The following HUNK variants were observed in gnomAD, a reference collection of about 807,000 sequenced individuals.
HUNK encodes hormonally up-regulated neu tumor-associated kinase.
Under a neutral mutation model 61.0 loss-of-function variants are expected in HUNK, and 21 were observed. The observed-to-expected ratio is 0.34, with a 90% CI of 0.24 to 0.50. The LOEUF is 0.50. Among genes scored for constraint, HUNK ranks in the 20% least tolerant of loss-of-function variants. The pLI is 0.98. For synonymous variants in HUNK, 371 were observed against 386.1 expected, an observed-to-expected ratio of 0.96 and a Z score of 0.46; for missense variants, 772 against 945.7, an observed-to-expected ratio of 0.82 and a Z score of 2.41.
At chr21:31,980,226 C>G (rs1489643005) in intron 7 of HUNK, among the ~76,000 whole-genome samples, 1 of 152,048 alleles carries the variant, frequency 6.6e-6, no homozygotes, top group Non-Finnish European at 1.5e-5. Flanking sequence ...TGTGCACCAC[C>G]ATGCCCAGCA....
chr21:31,940,715 G>C (rs1434719575), intron 3 of HUNK, among the ~76,000 whole-genome samples: 1 of 152,146 alleles, frequency 6.6e-6, no homozygotes, highest in Non-Finnish European at 1.5e-5. Context: ...ACAAGATGGG[G>C]CATCATAATT....
At chr21:31,918,007 C>G (rs893200160) in intron 1 of HUNK, among the ~76,000 whole-genome samples, 2 of 152,112 alleles carry the variant, frequency 1.3e-5, no homozygotes, top group African/African-American at 4.8e-5. Flanking sequence ...TAGGCTTTAC[C>G]CAGTTAGAGT....
intron 8 of HUNK, among the ~76,000 whole-genome samples, chr21:31,987,398 GGA>G (rs2053141231): frequency 6.6e-6 from 1 of 152,190 alleles, no homozygotes; most frequent in African/African-American, 2.4e-5. Flanking sequence ...TTAGGTGCAT[GGA>G]GAGCCCAATG....
At chr21:31,933,495 C>A (rs1045335853) in intron 2 of HUNK, among the ~76,000 whole-genome samples, 2 of 151,996 alleles carry the variant, frequency 1.3e-5, no homozygotes, top group Admixed American at 1.3e-4. Context: ...ACTAAAAATA[C>A]ACAAATTGGC....
intron 1 of HUNK, among the ~76,000 whole-genome samples, chr21:31,886,006 C>T (rs1033539550): frequency 1.3e-5 from 2 of 152,202 alleles, no homozygotes; most frequent in African/African-American, 4.8e-5. Context: ...GCTGGGATTA[C>T]AGACTATAGA....
intron 2 of HUNK, among the ~76,000 whole-genome samples, chr21:31,939,757 A>T (rs1439069157): frequency 4.5e-5 from 6 of 134,806 alleles, no homozygotes; most frequent in African/African-American, 1.7e-4. Context: ...CCCAAATCTG[A>T]TGTTGCTCAT....
intron 4 of HUNK, among the ~76,000 whole-genome samples, chr21:31,948,594 A>AGGGAGGGAGGAGAAAAAGGAGGT (rs2052826485): frequency 6.6e-6 from 1 of 152,132 alleles, no homozygotes; most frequent in South Asian, 2.1e-4. Context: ...ACTTGGAGGA[A>AGGGAGGGAGGAGAAAAAGGAGGT]GGGAGGGAGG....
At chr21:31,993,056 A>G (rs899886387) in intron 9 of HUNK, among the ~76,000 whole-genome samples, 2 of 152,184 alleles carry the variant, frequency 1.3e-5, no homozygotes, top group Non-Finnish European at 2.9e-5. Context: ...ATGAAGTTTA[A>G]TAAGGGTGGT....
In HUNK at chr21:31,998,797, G is replaced by A. The variant is rs144695949; in HGVS notation, c.1758G>A (p.Pro586=). ...PSHHYRILNS[P]VSLARRNSSE... Reference sequence around the variant, plus strand: ...ATCACTACAGGATTCTGAACTCCCCGGTCAGCTTGGCTCGCAGAAATTCCA... The same window carrying A: ...ATCACTACAGGATTCTGAACTCCCCAGTCAGCTTGGCTCGCAGAAATTCCA... Residue 586 remains proline (P), a synonymous_variant, in exon 11 of 11, where the codon CCG becomes CCA. Transcript: ENST00000270112. 41 of 1,614,146 alleles carry A rather than the reference G, an allele frequency of 2.5e-5. No homozygotes were observed. The African/African-American group carries it at 2.9e-4, about 12-fold the overall frequency.
intron 5 of HUNK, among the ~76,000 whole-genome samples, chr21:31,959,372 C>A (rs2052912330): frequency 6.6e-6 from 1 of 152,174 alleles, no homozygotes; most frequent in Non-Finnish European, 1.5e-5. Context: ...TCTGCAATTA[C>A]TGTCAAGAAA....
chr21:31,986,003 G>A (rs2053130174), intron 8 of HUNK, among the ~76,000 whole-genome samples: 1 of 152,104 alleles, frequency 6.6e-6, no homozygotes, highest in Non-Finnish European at 1.5e-5. Flanking sequence ...AAGCCCTTTG[G>A]AAGGTGGGCT....
rs1481367146 is a variant in HUNK, at chr21:31,924,274, GTGTGTGTGTGTT to G, written c.262-187_262-176del. Among the ~76,000 whole-genome samples the G allele has an allele frequency of 2.0e-5, 3 of 150,074 alleles. No individual in the cohort carries two copies. The highest frequency in any genetic ancestry group is 2.5e-5 in the African/African-American group (1 of 40,256). On this transcript the variant is annotated intron_variant, in intron 1 of 10. Transcript: ENST00000270112. This position sits in a 1 kb window ranked among gnomAD's most constrained non-coding sequence, Gnocchi z 5.1. ...CCTAATGTTGTACCTATATGTGTGT[GTGTGTGTGTGTT>G]TGTGTGGTATATGCATAAATATAAA...
intron 3 of HUNK, 132 bp downstream of exon 3, chr21:31,940,352 A>G (rs1039734756): frequency 5.4e-6 from 3 of 550,946 alleles, no homozygotes; most frequent in Non-Finnish European, 9.3e-6. Context: ...TTTACCTCCA[A>G]TATTTAATAA....
At chr21:31,961,554 G>A (rs2052929083) in intron 5 of HUNK, among the ~76,000 whole-genome samples, 1 of 152,134 alleles carries the variant, frequency 6.6e-6, no homozygotes. Context: ...GCCAGCATTT[G>A]ATGCTATTAT....
At chr21:31,996,061 C>A in intron 10 of HUNK, 113 bp downstream of exon 10, 1 of 825,118 alleles carries the variant, frequency 1.2e-6, no homozygotes, top group Non-Finnish European at 1.9e-6. Context: ...ATTCCTGTGC[C>A]CACAGAAAAG....
At chr21:31,876,329 G>A (rs2052262187) in intron 1 of HUNK, among the ~76,000 whole-genome samples, 1 of 152,172 alleles carries the variant, frequency 6.6e-6, no homozygotes, top group Non-Finnish European at 1.5e-5. Flanking sequence ...CGGGCATTGG[G>A]AGAAATCTGG....
rs184823233 is a variant in HUNK at position 31,907,872 on chromosome 21, C to T, written c.262-16596C>T. ...AGGCGTGGTGGTGGGCACCTGTAGT[C>T]CCAGCTACTAGGGAGGCTGAGGTGG... On this transcript the variant is annotated intron_variant, in intron 1 of 10. Coordinates refer to ENST00000270112, the MANE Select transcript of HUNK (RefSeq NM_014586.2). 8.2e-3 allele frequency among the ~76,000 whole-genome samples: 1,248 copies of T among 152,120 alleles called. 13 individuals are homozygous for T. The highest frequency in any genetic ancestry group is 0.01 in the Middle Eastern group (3 of 294).
intron 1 of HUNK, among the ~76,000 whole-genome samples, chr21:31,879,503 C>T (rs3787688): frequency 0.11 from 17,311 of 152,214 alleles, 1,236 homozygotes; most frequent in East Asian, 0.37. Flanking sequence ...ACAGGTCCCA[C>T]GGACTTCAAA....
At chr21:31,995,660 A>G (rs1181671576) in intron 9 of HUNK, 108 bp from the exon 10 acceptor site, 6 of 877,554 alleles carry the variant, frequency 6.8e-6, no homozygotes, top group African/African-American at 5.0e-5. Context: ...AGCATAGAGT[A>G]TTGAAAAGGT....
Sources: allele counts gnomAD v4.1 joint callset (sites outside exome capture counted in the v4.1 genomes callset), GRCh38; gene constraint gnomAD v4.1.1; non-coding constraint Gnocchi (gnomAD v3.1); transcripts MANE v1.5; gene names NCBI Gene and HGNC (gene_info 2026-07-23, HGNC 2026-07-21).